Variants in CNTNAP2 observed in about 807,000 individuals in gnomAD.
CNTNAP2 encodes contactin-associated protein-like 2.
A neutral mutation model predicts 155.2 loss-of-function variants in CNTNAP2; 98 were observed. The observed-to-expected ratio is 0.63, with a 90% confidence interval of 0.54 to 0.75. The LOEUF is 0.75. Among genes scored for constraint, CNTNAP2 ranks in the 30% least tolerant of loss-of-function variants. The pLI, the probability that CNTNAP2 is intolerant of heterozygous loss-of-function variation, is 0.00. For missense variants in CNTNAP2, 1,727 were observed against 1,688.1 expected (o/e 1.02, Z -0.40); for synonymous variants, 651 against 631.2 (o/e 1.03, Z -0.47).
At chr7:147,317,703 A>G (rs964455588) in intron 9 of CNTNAP2, among the ~76,000 whole-genome samples, 3 of 152,042 alleles carry the variant, frequency 2.0e-5, no homozygotes, top group Admixed American at 1.3e-4. Context: ...TATATGAATT[A>G]GGGAGATTAT....
chr7:148,228,577 A>G (rs1244587489), intron 19 of CNTNAP2, among the ~76,000 whole-genome samples: 1 of 152,080 alleles, frequency 6.6e-6, no homozygotes, highest in Non-Finnish European at 1.5e-5. Context: ...TAATCCCAGC[A>G]CTTTGGGAGG....
chr7:146,865,220 TA>T (rs1289697253), intron 3 of CNTNAP2, among the ~76,000 whole-genome samples: 1 of 151,932 alleles, frequency 6.6e-6, no homozygotes, highest in Non-Finnish European at 1.5e-5. Flanking sequence ...AAATAATAGC[TA>T]ACACAATGGA....
intron 2 of CNTNAP2, among the ~76,000 whole-genome samples, chr7:146,839,045 A>T (rs1803670230): frequency 6.6e-6 from 1 of 152,138 alleles, no homozygotes; most frequent in Non-Finnish European, 1.5e-5. Flanking sequence ...CTATTTGCTG[A>T]GCAATTCTTA....
chr7:148,334,256 T>A (rs1013909396), intron 21 of CNTNAP2, among the ~76,000 whole-genome samples: 2 of 151,994 alleles, frequency 1.3e-5, no homozygotes, highest in Non-Finnish European at 2.9e-5. Context: ...TCATGAGGGA[T>A]CCCAGGGTCT....
intron 15 of CNTNAP2, among the ~76,000 whole-genome samples, chr7:148,082,218 G>A (rs1803622087): frequency 6.6e-6 from 1 of 152,178 alleles, no homozygotes; most frequent in Non-Finnish European, 1.5e-5. Flanking sequence ...GAACTGAGTG[G>A]CTGTGGATAA....
chr7:147,819,416 A>G (rs1310347561), intron 13 of CNTNAP2, among the ~76,000 whole-genome samples: 1 of 152,202 alleles, frequency 6.6e-6, no homozygotes, highest in East Asian at 1.9e-4. Flanking sequence ...CTCCAATCCC[A>G]TCTAAATAAT....
intron 1 of CNTNAP2, among the ~76,000 whole-genome samples, chr7:146,637,039 A>G (rs1405988309): frequency 5.3e-5 from 8 of 152,220 alleles, no homozygotes; most frequent in Non-Finnish European, 1.2e-4. Flanking sequence ...AATTTGGGCA[A>G]TAATGTCAGC....
At chr7:146,622,287 A>C (rs200431277) in intron 1 of CNTNAP2, among the ~76,000 whole-genome samples, 11 of 126,618 alleles carry the variant, frequency 8.7e-5, no homozygotes, top group East Asian at 7.2e-4. Context: ...ATCTATATAT[A>C]TATATGTTTT....
intron 8 of CNTNAP2, among the ~76,000 whole-genome samples, chr7:147,239,888 G>T (rs1410657989): frequency 6.6e-6 from 1 of 152,086 alleles, no homozygotes; most frequent in African/African-American, 2.4e-5. Context: ...AAGTCGTAAT[G>T]CATCTTTTTC....
At chr7:147,881,630 G>C (rs1799521890) in intron 13 of CNTNAP2, among the ~76,000 whole-genome samples, 1 of 151,094 alleles carries the variant, frequency 6.6e-6, no homozygotes, top group Admixed American at 6.9e-5. Context: ...CTCTTTGCTA[G>C]AAGAATAGAA....
At chr7:146,329,708 C>G (rs780437484) in intron 1 of CNTNAP2, among the ~76,000 whole-genome samples, 1 of 152,126 alleles carries the variant, frequency 6.6e-6, no homozygotes, top group Non-Finnish European at 1.5e-5. Context: ...TTCTCACCAA[C>G]CAGCCTTTTC....
At chr7:146,622,153 A>ATATATATATACACACACG (rs759093960) in intron 1 of CNTNAP2, among the ~76,000 whole-genome samples, 20,237 of 148,722 alleles carry the variant, frequency 0.14, 1,977 homozygotes, top group African/African-American at 0.27. Context: ...ACACACACGT[A>ATATATATATACACACACG]TATATATATA....
chr7:146,257,972 C>T (rs1358581340), intron 1 of CNTNAP2, among the ~76,000 whole-genome samples: 1 of 150,844 alleles, frequency 6.6e-6, no homozygotes, highest in African/African-American at 2.4e-5. Context: ...CTCACTGCAG[C>T]CTCCACCTCC....
intron 1 of CNTNAP2, among the ~76,000 whole-genome samples, chr7:146,766,959 A>T (rs1033480605): frequency 6.6e-6 from 1 of 152,178 alleles, no homozygotes; most frequent in African/African-American, 2.4e-5. Context: ...AAAAAGAAAA[A>T]AGGAAGGCAG....
In CNTNAP2 at chr7:146,739,182, CTTAG is replaced by C. The variant is rs1193368330; in HGVS notation, c.98-35086_98-35083del. ...TTTTCATCTTTCTACTAACTTTGGA[CTTAG>C]TTTGTTTTTGTTTTTCAAGTTTCTT... is the stretch of plus-strand genomic sequence containing the variant. On this transcript the variant is annotated intron_variant, in intron 1 of 23. Transcript: ENST00000361727. Among the ~76,000 whole-genome samples the C allele has an allele frequency of 2.0e-5, 3 of 151,726 alleles. No homozygotes were observed. The East Asian group carries it at 5.8e-4, about 29-fold the overall frequency.
At chr7:147,929,338 A>G (rs925970322) in intron 14 of CNTNAP2, among the ~76,000 whole-genome samples, 1 of 152,162 alleles carries the variant, frequency 6.6e-6, no homozygotes, top group African/African-American at 2.4e-5. Context: ...TGTAACATGG[A>G]GGTGAGGAGA....
chr7:146,876,098 G>T (rs1187274926), intron 3 of CNTNAP2, among the ~76,000 whole-genome samples: 2 of 151,886 alleles, frequency 1.3e-5, no homozygotes, highest in Non-Finnish European at 2.9e-5. Context: ...TTGGCAGATT[G>T]TTTTGGTTTT....
intron 8 of CNTNAP2, among the ~76,000 whole-genome samples, chr7:147,224,210 T>TA (rs1242258626): frequency 6.6e-6 from 1 of 152,204 alleles, no homozygotes; most frequent in African/African-American, 2.4e-5. Flanking sequence ...CTCTGCTTTT[T>TA]ATGTGTTGTT....
chr7:146,968,524 C>G (rs1584755433), intron 3 of CNTNAP2, among the ~76,000 whole-genome samples: 1 of 152,224 alleles, frequency 6.6e-6, no homozygotes, highest in Middle Eastern at 3.4e-3. Context: ...CAACTTCTTC[C>G]TGGATTAGTC....
Sources: gnomAD v4.1 joint callset for allele counts (sites outside exome capture counted in the v4.1 genomes callset) on GRCh38, gnomAD v4.1.1 for gene constraint, MANE v1.5 for transcripts, NCBI Gene and HGNC (gene_info 2026-07-23, HGNC 2026-07-21) for gene names.